CFAP61: variants seen among roughly 807,000 people sequenced by gnomAD.
The protein encoded by CFAP61 is cilia- and flagella-associated protein 61.
In CFAP61, 107 loss-of-function variants were observed where a neutral mutation model predicts 135.6. The ratio of observed to expected loss-of-function variants is 0.79; its 90% CI spans 0.67 to 0.93. The LOEUF is 0.93. Ranked by LOEUF, CFAP61 falls within the 40% of genes least tolerant of loss-of-function variation. CFAP61 has a pLI of 0.00. For missense variants in CFAP61, 1,507 were observed against 1,556.2 expected, an observed-to-expected ratio of 0.97 and a Z score of 0.53; for synonymous variants, 575 against 578.5, an observed-to-expected ratio of 0.99 and a Z score of 0.09.
intron 13 of CFAP61, among the ~76,000 whole-genome samples, chr20:20,177,196 T>A (rs768561737): frequency 1.3e-5 from 2 of 152,208 alleles, no homozygotes; most frequent in Non-Finnish European, 2.9e-5. Context: ...TTTCTCTTGC[T>A]TGTTTCTAGT....
intron 2 of CFAP61, among the ~76,000 whole-genome samples, chr20:20,062,605 C>T (rs1394633170): frequency 1.3e-5 from 2 of 151,896 alleles, no homozygotes; most frequent in East Asian, 1.9e-4. Context: ...AAAAAAAAAT[C>T]TGACAAGATT....
intron 6 of CFAP61, among the ~76,000 whole-genome samples, chr20:20,088,439 C>T (rs2046957102): frequency 6.6e-6 from 1 of 152,130 alleles, no homozygotes; most frequent in Non-Finnish European, 1.5e-5. Flanking sequence ...CATCTTTCTT[C>T]ACAAGGCAGC....
At chr20:20,072,317 A>C (rs1423282433) in intron 3 of CFAP61, among the ~76,000 whole-genome samples, 2 of 151,568 alleles carry the variant, frequency 1.3e-5, no homozygotes, top group African/African-American at 2.4e-5. Context: ...GGGTTTCACT[A>C]TGTTAGCCAG....
intron 25 of CFAP61, among the ~76,000 whole-genome samples, chr20:20,304,301 TGTGAGA>T (rs936876536): frequency 6.7e-6 from 1 of 149,706 alleles, no homozygotes; most frequent in African/African-American, 2.5e-5. Flanking sequence ...TGTGTGTGTG[TGTGAGA>T]GAGAGAGAGA....
chr20:20,196,749 T>G lies in CFAP61; in HGVS notation c.1770T>G (p.Arg590=). 3 of 1,614,200 alleles carry G rather than the reference T, an allele frequency of 1.9e-6. No individual in the cohort carries two copies. The highest frequency in any genetic ancestry group is 2.5e-6 in the Non-Finnish European group (3 of 1,180,024). Residue 590 remains arginine, a synonymous_variant, in exon 16 of 27, where the codon CGT becomes CGG. Transcript: ENST00000245957. ...RLGFKSCLYY[R]VYPKSREGKF... ...GCTTTAAATCCTGTCTCTACTACCG[T>G]GTTTACCCAAAATCCAGAGAAGGCA...
At chr20:20,156,521 A>G (rs2052920911) in intron 9 of CFAP61, among the ~76,000 whole-genome samples, 1 of 152,180 alleles carries the variant, frequency 6.6e-6, no homozygotes, top group Non-Finnish European at 1.5e-5. Context: ...ACTGTACTGA[A>G]GATTTGAACC....
At chr20:20,253,668 C>T (rs6046761) in intron 20 of CFAP61, 79,077 of 439,776 alleles carry the variant, frequency 0.18, 9,101 homozygotes, top group East Asian at 0.56. Context: ...ACCTTTGTAA[C>T]GTCAGAATGG....
At chr20:20,151,899 G>A (rs6035564) in intron 9 of CFAP61, among the ~76,000 whole-genome samples, 86,237 of 148,432 alleles carry the variant, frequency 0.58, 25,467 homozygotes, top group African/African-American at 0.67. Context: ...CATCACCCAG[G>A]CACATAGTCA....
In CFAP61 at chr20:20,054,410, T is replaced by TACACACAC. The variant is rs1246613690; in HGVS notation, c.-37+1820_-37+1821insCACACACA. Reference sequence around the variant, plus strand: ...AATGAGCTAGGGATATATATATATATATATACACACACACATACATACACA... The same window carrying TACACACAC: ...AATGAGCTAGGGATATATATATATATACACACACATATACACACACACATACATACACA... On this transcript the variant is annotated intron_variant, in intron 1 of 26. Transcript: ENST00000245957. Among the ~76,000 whole-genome samples the TACACACAC allele has an allele frequency of 2.6e-3, 348 of 132,734 alleles. 1 individual carries two copies. The highest frequency in any genetic ancestry group is 9.4e-3 in the African/African-American group (328 of 34,862). The allele number at this position is 132,734 out of a possible 152,430, so 87.1% of individuals were successfully genotyped here. A position where few individuals can be genotyped will look rare whatever the true frequency, so the allele number is the denominator to read the frequency against.
chr20:20,188,304 T>C (rs931022766), intron 14 of CFAP61, among the ~76,000 whole-genome samples: 2 of 152,050 alleles, frequency 1.3e-5, no homozygotes, highest in African/African-American at 4.8e-5. Flanking sequence ...AGATAGAAAA[T>C]TTGGACTTGA....
rs543183792 is a variant in CFAP61 at position 20,182,276 on chromosome 20, A to C, written c.1386-5654A>C. 2.4e-4 allele frequency among the ~76,000 whole-genome samples: 36 copies of C among 152,250 alleles called. No individual in the cohort carries two copies. In the South Asian group the frequency reaches 6.8e-3, roughly 29 times the overall value. Reference sequence around the variant, plus strand: ...TATATTTTTAGATCCATGTCATTTTAATTAAGGATTTTAATTAGTGTTTTT... The same window carrying C: ...TATATTTTTAGATCCATGTCATTTTCATTAAGGATTTTAATTAGTGTTTTT... On this transcript the variant is annotated intron_variant, in intron 13 of 26. Transcript: ENST00000245957.
chr20:20,307,041 C>T (rs891377296), intron 25 of CFAP61, among the ~76,000 whole-genome samples: 1 of 152,208 alleles, frequency 6.6e-6, no homozygotes, highest in African/African-American at 2.4e-5. Context: ...GAGCCCACCA[C>T]TGCCACCTCT....
intron 13 of CFAP61, among the ~76,000 whole-genome samples, chr20:20,186,475 A>T (rs1046912582): frequency 6.6e-6 from 1 of 152,162 alleles, no homozygotes; most frequent in Non-Finnish European, 1.5e-5. Flanking sequence ...TAATGCTGCT[A>T]TGAAAATTCA....
chr20:20,345,315 AC>A (rs1231234414), intron 26 of CFAP61, among the ~76,000 whole-genome samples: 2 of 152,234 alleles, frequency 1.3e-5, no homozygotes, highest in Non-Finnish European at 2.9e-5. Flanking sequence ...TACTCCATTT[AC>A]CCTGATTTGA....
At chr20:20,071,109 A>G in intron 3 of CFAP61, 105 bp downstream of exon 3, 1 of 1,125,478 alleles carries the variant, frequency 8.9e-7, no homozygotes, top group Non-Finnish European at 1.3e-6. Context: ...AGTATATGAC[A>G]TCATGACAGT....
At chr20:20,213,252 A>G (rs2047794062) in intron 17 of CFAP61, among the ~76,000 whole-genome samples, 1 of 152,220 alleles carries the variant, frequency 6.6e-6, no homozygotes, top group Non-Finnish European at 1.5e-5. Flanking sequence ...AAAGAATTTC[A>G]TGCAAGAAGC....
intron 1 of CFAP61, among the ~76,000 whole-genome samples, chr20:20,056,220 G>A (rs1348950487): frequency 6.6e-6 from 1 of 152,198 alleles, no homozygotes; most frequent in Non-Finnish European, 1.5e-5. Flanking sequence ...CCAGTTTGGA[G>A]AACTCTATTA....
intron 9 of CFAP61, among the ~76,000 whole-genome samples, chr20:20,153,248 T>A (rs2052602959): frequency 6.6e-6 from 1 of 152,128 alleles, no homozygotes; most frequent in Non-Finnish European, 1.5e-5. Flanking sequence ...TTCATGGCAT[T>A]AAATGCCTAC....
At chr20:20,068,603 A>G (rs2045481482) in intron 2 of CFAP61, among the ~76,000 whole-genome samples, 1 of 152,164 alleles carries the variant, frequency 6.6e-6, no homozygotes, top group South Asian at 2.1e-4. Context: ...TTGAGAAGGG[A>G]CAGTGGCTGC....
Sources: gnomAD v4.1 joint callset for allele counts (sites outside exome capture counted in the v4.1 genomes callset) on GRCh38, gnomAD v4.1.1 for gene constraint, MANE v1.5 for transcripts, NCBI Gene and HGNC (gene_info 2026-07-23, HGNC 2026-07-21) for gene names.